SAMD4B: variants seen among roughly 807,000 people sequenced by gnomAD.
The protein encoded by SAMD4B is sterile alpha motif domain containing 4B.
Under a neutral mutation model 74.5 loss-of-function variants are expected in SAMD4B, and 5 were observed. The ratio of observed to expected loss-of-function variants is 0.07; its 90% CI spans 0.04 to 0.14. The LOEUF is 0.14. Ranked by LOEUF, SAMD4B falls within the 10% of genes least tolerant of loss-of-function variation. The pLI is 1.00. For missense variants in SAMD4B, 608 were observed against 921.8 expected, an observed-to-expected ratio of 0.66 and a Z score of 4.41; for synonymous variants, 373 against 374.9, an observed-to-expected ratio of 1.00 and a Z score of 0.06.
chr19:39,353,927 C>T (rs8102194), intron 1 of SAMD4B, 79 bp from the exon 2 acceptor site: 24,839 of 152,084 alleles, frequency 0.16, 3,819 homozygotes, highest in African/African-American at 0.41. Flanking sequence ...TTAATAGATA[C>T]GTTATATCAT....
chr19:39,383,977 A>C lies in SAMD4B; in HGVS notation c.*450A>C. 3 of 482,402 alleles carry C rather than the reference A, an allele frequency of 6.2e-6. No homozygotes were observed. Among genetic ancestry groups the C allele is most frequent in the Non-Finnish European group, 7.4e-6 (2 of 270,934 alleles). The allele number at this position is 482,402 out of a possible 1,614,324, so 29.9% of individuals were successfully genotyped here. A position where few individuals can be genotyped will look rare whatever the true frequency, so the allele number is the denominator to read the frequency against. On this transcript the variant is annotated 3_prime_UTR_variant, in exon 14 of 14. Transcript: ENST00000610417. This position sits in a 1 kb window ranked among gnomAD's most constrained non-coding sequence, Gnocchi z 4.1. ...CAGGGCAGAGAACCTGCCCTCCAGA[A>C]TGTTATTGAGAGGAGCTGGGGAGAA...
Position 39,377,515 on chromosome 19 carries a change from G to A in SAMD4B, c.1135G>A (p.Ala379Thr), listed in dbSNP as rs996235629. The change falls in exon 8 of 14, where the codon GCT (alanine) becomes ACT (threonine). Residue 379 changes from alanine to threonine, a missense_variant. By Grantham distance (58) the Ala-to-Thr change is moderately conservative. Around this residue, in one of 9 missense-constraint regions of SAMD4B, gnomAD observed 39 missense variants for 125.3 expected, o/e 0.31. Coordinates refer to ENST00000610417, the MANE Select transcript of SAMD4B (RefSeq NM_001384574.2). ...GCTGGAAGGCGGGAACCTACGAAACGCTCTGCAGGAGCTGCAGCAGATCAT... is the reference window on the plus strand; with the variant it reads ...GCTGGAAGGCGGGAACCTACGAAACACTCTGCAGGAGCTGCAGCAGATCAT... ...DVLEGGNLRN[A>T]LQELQQIIIT... is the part of the protein sequence containing the mutation. The A allele has an allele frequency of 6.3e-6, 10 of 1,585,604 alleles. No individual in the cohort carries two copies. Among genetic ancestry groups the A allele is most frequent in the East Asian group, 4.5e-5 (2 of 44,326 alleles).
rs772556406 is a variant in SAMD4B, at chr19:39,380,573, C to A, written c.1650-14C>A. 9 of 1,613,966 alleles carry A rather than the reference C, an allele frequency of 5.6e-6. No individual in the cohort carries two copies. In the Admixed American group the frequency reaches 1.5e-4, roughly 27 times the overall value. On this transcript the variant is annotated splice_polypyrimidine_tract_variant and intron_variant, in intron 10 of 13. Transcript: ENST00000610417. ...TCTATGTAAATTAACACCCTGCCTTCTGCTCTCTCATAGCTGGGCATTCGG... is the reference window on the plus strand; with the variant it reads ...TCTATGTAAATTAACACCCTGCCTTATGCTCTCTCATAGCTGGGCATTCGG...
chr19:39,353,438 C>T (rs995241085), intron 1 of SAMD4B, among the ~76,000 whole-genome samples: 2 of 152,012 alleles, frequency 1.3e-5, no homozygotes, highest in Non-Finnish European at 2.9e-5. Context: ...TACATTTATA[C>T]ACATATAGAC....
downstream of SAMD4B, chr19:39,386,048 C>T: frequency 6.2e-7 from 1 of 1,613,972 alleles, no homozygotes; most frequent in Non-Finnish European, 8.5e-7. The surrounding 1 kb of genome is among the most constrained non-coding windows in gnomAD (Gnocchi z 6.1). Context: ...CACTGCCATC[C>T]TCCTGGGCCG....
In SAMD4B at chr19:39,362,649, T is replaced by C. The variant is rs1427124415; in HGVS notation, c.196+5560T>C. 2.0e-5 allele frequency among the ~76,000 whole-genome samples: 3 copies of C among 152,178 alleles called. No homozygotes were observed. The East Asian group carries it at 5.8e-4, about 29-fold the overall frequency. On this transcript the variant is annotated intron_variant, in intron 3 of 13. Coordinates refer to ENST00000610417, the MANE Select transcript of SAMD4B (RefSeq NM_001384574.2). ...TAGAACAATAACCCTGGTCCTCTCC[T>C]TTCCTCTGATGCTGACTTGGACCAG...
chr19:39,385,976 T>C (rs1351752044), downstream of SAMD4B: 1 of 1,612,768 alleles, frequency 6.2e-7, no homozygotes, highest in Non-Finnish European at 8.5e-7. Context: ...GAACCAGCCC[T>C]GAATGCCCTG....
chr19:39,357,567 C>A (rs934130276), intron 3 of SAMD4B, among the ~76,000 whole-genome samples: 4 of 152,338 alleles, frequency 2.6e-5, no homozygotes, highest in African/African-American at 9.6e-5. Flanking sequence ...AATTTAGATA[C>A]AGTTCATCCT....
At chr19:39,343,156 C>G (rs966633417) in intron 1 of SAMD4B, among the ~76,000 whole-genome samples, 1 of 151,906 alleles carries the variant, frequency 6.6e-6, no homozygotes, top group Non-Finnish European at 1.5e-5. Flanking sequence ...AGGCTCCCTC[C>G]GGACCCCTGT....
At chr19:39,390,281 G>A, downstream of SAMD4B, 7 of 1,612,910 alleles carry the variant, frequency 4.3e-6, no homozygotes, top group Non-Finnish European at 5.1e-6. Context: ...AGTCCGGTGG[G>A]AATTGGGCCT....
At chr19:39,389,082 C>A (rs763721654), downstream of SAMD4B, 17 of 1,612,046 alleles carry the variant, frequency 1.1e-5, no homozygotes, top group Non-Finnish European at 1.4e-5. The surrounding 1 kb of genome is among the most constrained non-coding windows in gnomAD (Gnocchi z 5.3). Flanking sequence ...CCATCCCAGT[C>A]CCTCAATTAC....
At chr19:39,389,690 C>A (rs753853934), downstream of SAMD4B, 1 of 1,614,144 alleles carries the variant, frequency 6.2e-7, no homozygotes, top group Admixed American at 1.7e-5. The surrounding 1 kb of genome is among the most constrained non-coding windows in gnomAD (Gnocchi z 5.3). Flanking sequence ...GATGGTGACC[C>A]CCAGGTCTGG....
intron 4 of SAMD4B, among the ~76,000 whole-genome samples, chr19:39,374,105 TA>T (rs2077460524): frequency 6.6e-6 from 1 of 151,316 alleles, no homozygotes; most frequent in Non-Finnish European, 1.5e-5. Flanking sequence ...CTGTCTCTAC[TA>T]AAAATACGAA....
At chr19:39,353,776 A>C (rs911124958) in intron 1 of SAMD4B, among the ~76,000 whole-genome samples, 2 of 151,912 alleles carry the variant, frequency 1.3e-5, no homozygotes, top group African/African-American at 2.4e-5. Flanking sequence ...TAATTTTTAT[A>C]TTTTTAGTAG....
chr19:39,371,243 CAGTG>C (rs1162770522), intron 4 of SAMD4B, among the ~76,000 whole-genome samples: 4 of 152,328 alleles, frequency 2.6e-5, no homozygotes, highest in South Asian at 2.1e-4. Flanking sequence ...TCACATGTGT[CAGTG>C]GGTGGGGGTA....
chr19:39,363,767 TCTTA>T (rs771283659), intron 3 of SAMD4B, among the ~76,000 whole-genome samples: 1 of 152,228 alleles, frequency 6.6e-6, no homozygotes, highest in Non-Finnish European at 1.5e-5. Context: ...GAACTTGTGC[TCTTA>T]CTTAGTATAC....
At chr19:39,369,344 T>C in intron 3 of SAMD4B, 1 of 339,484 alleles carries the variant, frequency 2.9e-6, no homozygotes, top group East Asian at 7.1e-5. Context: ...CTGGCCCAGT[T>C]TGGAAATGGA....
chr19:39,383,221 T>G lies in SAMD4B; in HGVS notation c.1986T>G (p.Pro662=), dbSNP rs746124757. ...ILMFPPDCPV[P]GPDLEINPTL... ...TCTCCCACCCAGACTGCCCGGTTCC[T>G]GGGCCTGACCTGGAGATCAATCCCA... The change falls in exon 13 of 14, where the codon CCT becomes CCG. Residue 662 remains proline, a synonymous_variant. Coordinates refer to ENST00000610417, the MANE Select transcript of SAMD4B (RefSeq NM_001384574.2). This position sits in a 1 kb window ranked among gnomAD's most constrained non-coding sequence, Gnocchi z 4.1. 2 of 1,614,106 alleles carry G rather than the reference T, an allele frequency of 1.2e-6. No homozygotes were observed. Among genetic ancestry groups the G allele is most frequent in the Non-Finnish European group, 8.5e-7 (1 of 1,179,986 alleles).
At position 39,380,007 on chromosome 19, in the gene SAMD4B, A is replaced by G. The variant is rs1315010962; in HGVS notation, c.1572A>G (p.Lys524=). ...AGAAGAAACGGCTGCTATCCTGGAAACAGCAAGTGCTGAAGCTCCTCCGGA... is the reference window on the plus strand; with the variant it reads ...AGAAGAAACGGCTGCTATCCTGGAAGCAGCAAGTGCTGAAGCTCCTCCGGA... The part of the protein sequence containing the change: ...ETQKKRLLSW[K]QQVLKLLRTF... The change falls in exon 10 of 14, where the codon AAA becomes AAG. Residue 524 remains lysine (K), a synonymous_variant. Transcript: ENST00000610417. 5 of 1,613,950 alleles carry G rather than the reference A, an allele frequency of 3.1e-6. No individual in the cohort carries two copies. The South Asian group carries it at 4.4e-5, about 14-fold the overall frequency.
Sources: gnomAD v4.1 joint callset for allele counts (sites outside exome capture counted in the v4.1 genomes callset) on GRCh38, gnomAD v4.1.1 for gene constraint, gnomAD v4.1.1 regional missense constraint, Gnocchi (gnomAD v3.1) non-coding constraint, MANE v1.5 for transcripts, NCBI Gene and HGNC (gene_info 2026-07-23, HGNC 2026-07-21) for gene names.